Variants in SLC25A28 observed in about 807,000 individuals in gnomAD.
SLC25A28 encodes mitoferrin-2.
In SLC25A28, 10 loss-of-function variants were observed where a neutral mutation model predicts 31.9. The observed-to-expected ratio is 0.31, with a 90% CI of 0.19 to 0.53. The LOEUF (loss-of-function observed/expected upper bound fraction) is 0.53, where lower values mean the gene tolerates loss of function less well. SLC25A28 is among the 20% of genes least tolerant of loss of function. The pLI, the probability that SLC25A28 is intolerant of heterozygous loss-of-function variation, is 0.95. For synonymous variants in SLC25A28, 208 were observed against 203.6 expected, an observed-to-expected ratio of 1.02 and a Z score of -0.19; for missense variants, 256 against 490.3, an observed-to-expected ratio of 0.52 and a Z score of 4.51.
At chr10:99,649,817 A>G in the SLC25A28 span, among the ~76,000 whole-genome samples, 1 of 152,052 alleles carries the variant, frequency 6.6e-6, no homozygotes, top group Non-Finnish European at 1.5e-5. Context: ...CTCATTTTTC[A>G]TATCCACTTG....
chr10:99,639,970 GA>G, the SLC25A28 span, among the ~76,000 whole-genome samples: 5 of 151,184 alleles, frequency 3.3e-5, no homozygotes, highest in African/African-American at 7.3e-5. Context: ...TACAAAAAAA[GA>G]AAAAAACAAA....
the SLC25A28 span, among the ~76,000 whole-genome samples, chr10:99,629,579 A>G: frequency 1.3e-5 from 2 of 152,366 alleles, no homozygotes; most frequent in Admixed American, 1.3e-4. Flanking sequence ...AATGAATATA[A>G]TTCAACCATA....
At chr10:99,627,602 G>A in the SLC25A28 span, among the ~76,000 whole-genome samples, 1 of 151,738 alleles carries the variant, frequency 6.6e-6, no homozygotes, top group Non-Finnish European at 1.5e-5. Flanking sequence ...TAATACATCC[G>A]GCTAATTTTT....
At chr10:99,622,623 C>T (rs375489480), upstream of SLC25A28, 5 of 984,802 alleles carry the variant, frequency 5.1e-6, no homozygotes, top group African/African-American at 1.7e-5. Context: ...TAACACTTGC[C>T]GCCACACCAC....
upstream of SLC25A28, among the ~76,000 whole-genome samples, chr10:99,622,497 T>A (rs1437015074): frequency 6.6e-6 from 1 of 152,198 alleles, no homozygotes; most frequent in Non-Finnish European, 1.5e-5. Context: ...CCTATCCACC[T>A]CTATGTCCTT....
chr10:99,648,679 T>G, the SLC25A28 span, among the ~76,000 whole-genome samples: 2 of 145,000 alleles, frequency 1.4e-5, no homozygotes, highest in Non-Finnish European at 3.0e-5. Context: ...GTTAAATATA[T>G]TCCTAGGTTT....
chr10:99,617,917 G>C (rs912098573), intron 1 of SLC25A28: 1 of 472,262 alleles, frequency 2.1e-6, no homozygotes, highest in Non-Finnish European at 2.8e-6. Flanking sequence ...ACTTATTCCA[G>C]CAAAGCTGTG....
chr10:99,641,835 A>G, the SLC25A28 span, among the ~76,000 whole-genome samples: 2 of 152,184 alleles, frequency 1.3e-5, no homozygotes, highest in Non-Finnish European at 2.9e-5. Flanking sequence ...TCCTTTCCCC[A>G]TTTCTTGTTT....
the SLC25A28 span, among the ~76,000 whole-genome samples, chr10:99,630,390 T>C: frequency 2.0e-5 from 3 of 152,028 alleles, no homozygotes; most frequent in African/African-American, 7.2e-5. Context: ...CACCTAAGCC[T>C]CCCAAAGTGC....
At position 99,613,656 on chromosome 10, in the gene SLC25A28, G is replaced by A; in HGVS notation, c.520+40C>T. 1 of 1,613,946 alleles carries A rather than the reference G, an allele frequency of 6.2e-7. No homozygotes were observed. Among genetic ancestry groups the A allele is most frequent in the South Asian group, 1.1e-5 (1 of 90,984 alleles). ...CACTGACAGCAGCAAAGCCCAAAGAGTTGGGAAAGTGGGGGAACCAGCACA... is the reference window on the plus strand; with the variant it reads ...CACTGACAGCAGCAAAGCCCAAAGAATTGGGAAAGTGGGGGAACCAGCACA... On this transcript the variant is annotated intron_variant, in intron 2 of 3. Transcript: ENST00000370495. This position sits in a 1 kb window ranked among gnomAD's most constrained non-coding sequence, Gnocchi z 4.9.
chr10:99,612,685 G>T, intron 2 of SLC25A28, 86 bp from the exon 3 acceptor site: 1 of 1,465,386 alleles, frequency 6.8e-7, no homozygotes, highest in Non-Finnish European at 9.6e-7. Flanking sequence ...GAGTGGCTGT[G>T]CTACACTACA....
At chr10:99,620,787 A>G, upstream of SLC25A28, 1 of 985,450 alleles carries the variant, frequency 1.0e-6, no homozygotes, top group Non-Finnish European at 1.2e-6. Flanking sequence ...TCGGTCCCCG[A>G]TTGGCTACAG....
At chr10:99,622,783 C>A, upstream of SLC25A28, 1 of 779,362 alleles carries the variant, frequency 1.3e-6, no homozygotes, top group East Asian at 1.3e-4. Context: ...CATTCCAAAC[C>A]AGTTGTCCTC....
At chr10:99,632,888 C>T in the SLC25A28 span, among the ~76,000 whole-genome samples, 1 of 152,106 alleles carries the variant, frequency 6.6e-6, no homozygotes, top group Admixed American at 6.5e-5. Flanking sequence ...AAATAGTAGA[C>T]CAAATTCTTA....
chr10:99,613,271 T>C lies in SLC25A28; in HGVS notation c.520+425A>G, dbSNP rs1284803897. 5 of 565,050 alleles carry C rather than the reference T, an allele frequency of 8.8e-6. No individual in the cohort carries two copies. Among genetic ancestry groups the C allele is most frequent in the Non-Finnish European group, 1.1e-5 (5 of 446,080 alleles). The allele number at this position is 565,050 out of a possible 1,614,324, so 35.0% of individuals were successfully genotyped here. On this transcript the variant is annotated intron_variant, in intron 2 of 3. Transcript: ENST00000370495. The surrounding 1 kb of genome is among the most constrained non-coding windows in gnomAD (Gnocchi z 4.9). ...AACTGCCTCTGGTGAGTTGGGATCCTGAAAAGGTGAGGCAAAAAGCAGGGG... is the reference window on the plus strand; with the variant it reads ...AACTGCCTCTGGTGAGTTGGGATCCCGAAAAGGTGAGGCAAAAAGCAGGGG...
rs2034591789 is a variant in SLC25A28, at chr10:99,613,989, C to T, written c.292-65G>A. 6.8e-7 allele frequency: 1 copy of T among 1,475,484 alleles called. No individual in the cohort carries two copies. Among genetic ancestry groups the T allele is most frequent in the African/African-American group, 1.4e-5 (1 of 70,868 alleles). The allele number at this position is 1,475,484 out of a possible 1,614,324, so 91.4% of individuals were successfully genotyped here. A position where few individuals can be genotyped will look rare whatever the true frequency, so the allele number is the denominator to read the frequency against. On this transcript the variant is annotated intron_variant, in intron 1 of 3. Transcript: ENST00000370495. This position sits in a 1 kb window ranked among gnomAD's most constrained non-coding sequence, Gnocchi z 4.9. Reference sequence around the variant, plus strand: ...CAACTTCTCGCCCCACCTCAACACACTGGGCAGACCTTCTACATGGAGCTG... The same window carrying T: ...CAACTTCTCGCCCCACCTCAACACATTGGGCAGACCTTCTACATGGAGCTG...
the SLC25A28 span, among the ~76,000 whole-genome samples, chr10:99,654,739 AT>A: frequency 6.6e-6 from 1 of 152,128 alleles, no homozygotes; most frequent in Non-Finnish European, 1.5e-5. Context: ...CATTATATAA[AT>A]TTTTTTAAAA....
chr10:99,637,322 A>G, the SLC25A28 span, among the ~76,000 whole-genome samples: 1 of 152,232 alleles, frequency 6.6e-6, no homozygotes. Flanking sequence ...ACAAACCCAC[A>G]GCCAACATTA....
At chr10:99,626,481 G>A in the SLC25A28 span, among the ~76,000 whole-genome samples, 30 of 152,274 alleles carry the variant, frequency 2.0e-4, no homozygotes, top group Non-Finnish European at 3.4e-4. Flanking sequence ...TGAAAAAGCC[G>A]TTGAAACAAT....
Sources: gnomAD v4.1 joint callset for allele counts (sites outside exome capture counted in the v4.1 genomes callset) on GRCh38, gnomAD v4.1.1 for gene constraint, Gnocchi (gnomAD v3.1) non-coding constraint, MANE v1.5 for transcripts, NCBI Gene and HGNC (gene_info 2026-07-23, HGNC 2026-07-21) for gene names.